Variants in ADAM32 observed in about 807,000 individuals in gnomAD.
ADAM32 encodes the protein ADAM metallopeptidase domain 32.
ADAM32 carries 89 observed loss-of-function variants against 114.9 expected under a neutral mutation model. That is an observed-to-expected ratio of 0.77 (90% CI 0.65 to 0.92). ADAM32 has a LOEUF of 0.92. Among genes scored for constraint, ADAM32 ranks in the 40% least tolerant of loss-of-function variants. The pLI, the probability that ADAM32 is intolerant of heterozygous loss-of-function variation, is 0.00. For missense variants in ADAM32, 870 were observed against 932.8 expected (o/e 0.93, Z 0.88); for synonymous variants, 285 against 307.5 (o/e 0.93, Z 0.77).
Position 39,270,930 on chromosome 8 carries a change from G to A in ADAM32, c.2201+16G>A, listed in dbSNP as rs775273587. Reference sequence around the variant, plus strand: ...ATGCCAGCCAGTAAGTAGTTTAGAAGGTGTTTTTAAGATACATGTTGAAAA... The same window carrying A: ...ATGCCAGCCAGTAAGTAGTTTAGAAAGTGTTTTTAAGATACATGTTGAAAA... On this transcript the variant is annotated intron_variant, in intron 20 of 24. Transcript: ENST00000379907. 1.2e-6 allele frequency: 2 copies of A among 1,600,448 alleles called. No individual in the cohort carries two copies. Among genetic ancestry groups the A allele is most frequent in the African/African-American group, 2.7e-5 (2 of 74,392 alleles).
intron 22 of ADAM32, chr8:39,276,077 AT>A (rs1813055253): frequency 2.3e-6 from 1 of 432,274 alleles, no homozygotes; most frequent in African/African-American, 2.0e-5. Flanking sequence ...AGTTTAGTTA[AT>A]ATGTGTTGGG....
At chr8:39,274,275 G>C (rs565733628) in intron 20 of ADAM32, 37 bp from the exon 21 acceptor site, 53 of 1,608,732 alleles carry the variant, frequency 3.3e-5, no homozygotes, top group Non-Finnish European at 4.3e-5. Flanking sequence ...AGTTTTCTTA[G>C]TACTAACTTG....
chr8:39,151,335 A>G, intron 5 of ADAM32, 42 bp from the exon 6 acceptor site: 2 of 1,464,358 alleles, frequency 1.4e-6, no homozygotes, highest in Non-Finnish European at 1.8e-6. Context: ...CATTATATAG[A>G]TTTGATTAAA....
At chr8:39,138,222 G>A (rs1464828241) in intron 3 of ADAM32, among the ~76,000 whole-genome samples, 4 of 151,974 alleles carry the variant, frequency 2.6e-5, no homozygotes, top group Non-Finnish European at 4.4e-5. Flanking sequence ...TGTGCACAGC[G>A]TGCAGGTTTG....
chr8:39,138,513 T>A (rs1479445838), intron 3 of ADAM32, among the ~76,000 whole-genome samples: 1 of 152,220 alleles, frequency 6.6e-6, no homozygotes, highest in Non-Finnish European at 1.5e-5. Flanking sequence ...TCATCCTTTT[T>A]TATGGCTGCA....
intron 1 of ADAM32, among the ~76,000 whole-genome samples, chr8:39,115,241 G>A (rs961659105): frequency 6.6e-6 from 1 of 152,118 alleles, no homozygotes; most frequent in Non-Finnish European, 1.5e-5. Flanking sequence ...CTCAGTAATG[G>A]GACTTCTGGG....
chr8:39,247,373 A>G (rs1303639516), intron 17 of ADAM32, among the ~76,000 whole-genome samples: 1 of 152,086 alleles, frequency 6.6e-6, no homozygotes, highest in Non-Finnish European at 1.5e-5. Flanking sequence ...TTTTGTTGTC[A>G]GTGTTTTGGA....
chr8:39,139,872 C>G (rs1230234319), intron 3 of ADAM32, among the ~76,000 whole-genome samples: 1 of 152,094 alleles, frequency 6.6e-6, no homozygotes, highest in Non-Finnish European at 1.5e-5. Flanking sequence ...TGTAGTTCTC[C>G]TTGAAGAGGT....
intron 10 of ADAM32, 59 bp downstream of exon 10, chr8:39,170,056 A>T: frequency 1.5e-6 from 2 of 1,290,988 alleles, no homozygotes; most frequent in Admixed American, 1.9e-5. Context: ...ATTTGACATG[A>T]TAGTATATAT....
chr8:39,192,376 C>T (rs1024006620), intron 11 of ADAM32, among the ~76,000 whole-genome samples: 5 of 152,100 alleles, frequency 3.3e-5, no homozygotes, highest in African/African-American at 1.2e-4. Flanking sequence ...GTAGATTTTT[C>T]TCCATTCTTT....
intron 10 of ADAM32, among the ~76,000 whole-genome samples, chr8:39,178,184 C>T (rs1805639422): frequency 6.6e-6 from 1 of 152,084 alleles, no homozygotes; most frequent in African/African-American, 2.4e-5. Context: ...TAATATAATC[C>T]CGTATTTCTC....
At chr8:39,112,673 A>G (rs986503493) in intron 1 of ADAM32, among the ~76,000 whole-genome samples, 2 of 152,330 alleles carry the variant, frequency 1.3e-5, no homozygotes, top group East Asian at 3.9e-4. Context: ...GAAATGCCAC[A>G]TTTAGTAGAT....
At chr8:39,133,061 C>G (rs1802560171) in intron 2 of ADAM32, among the ~76,000 whole-genome samples, 2 of 151,800 alleles carry the variant, frequency 1.3e-5, no homozygotes, top group South Asian at 4.2e-4. Context: ...TTTTTCGGAC[C>G]ATGCTATTGT....
chr8:39,200,272 C>T (rs1251187885), intron 11 of ADAM32, among the ~76,000 whole-genome samples: 1 of 152,192 alleles, frequency 6.6e-6, no homozygotes, highest in African/African-American at 2.4e-5. Flanking sequence ...TCCACATCCT[C>T]TCCAGCACCT....
chr8:39,172,035 T>C (rs562401080), intron 10 of ADAM32, among the ~76,000 whole-genome samples: 3 of 151,156 alleles, frequency 2.0e-5, no homozygotes, highest in Admixed American at 6.6e-5. Flanking sequence ...TTTATAGTAT[T>C]ATAAATATAT....
intron 9 of ADAM32, 158 bp downstream of exon 9, chr8:39,165,354 C>G: frequency 1.8e-6 from 1 of 552,102 alleles, no homozygotes; most frequent in Non-Finnish European, 2.9e-6. Flanking sequence ...AGTTGTCAGG[C>G]AATAAAAAAC....
intron 2 of ADAM32, among the ~76,000 whole-genome samples, chr8:39,118,878 A>G (rs972918449): frequency 4.6e-5 from 7 of 152,302 alleles, no homozygotes; most frequent in African/African-American, 4.8e-5. Flanking sequence ...GAATGTTGCT[A>G]TCAATCCTAA....
intron 11 of ADAM32, among the ~76,000 whole-genome samples, chr8:39,204,281 G>A (rs1240466174): frequency 6.6e-6 from 1 of 152,214 alleles, no homozygotes; most frequent in Non-Finnish European, 1.5e-5. Flanking sequence ...ATCAGACGTA[G>A]ATTTGGTCTT....
chr8:39,189,035 A>G (rs148254228), intron 11 of ADAM32, among the ~76,000 whole-genome samples: 94 of 152,306 alleles, frequency 6.2e-4, no homozygotes, highest in African/African-American at 2.1e-3. Flanking sequence ...TAATTAGTGT[A>G]CACACTTTAG....
Sources: allele counts gnomAD v4.1 joint callset (sites outside exome capture counted in the v4.1 genomes callset), GRCh38; gene constraint gnomAD v4.1.1; transcripts MANE v1.5; gene names NCBI Gene and HGNC (gene_info 2026-07-23, HGNC 2026-07-21).